CHRM2: variants seen among roughly 807,000 people sequenced by gnomAD.
The protein encoded by CHRM2 is cholinergic receptor muscarinic 2.
A neutral mutation model predicts 25.0 loss-of-function variants in CHRM2; 8 were observed. The ratio of observed to expected loss-of-function variants is 0.32; its 90% CI spans 0.19 to 0.58. CHRM2 has a LOEUF of 0.58. CHRM2 is among the 20% of genes least tolerant of loss of function. The pLI, the probability that CHRM2 is intolerant of heterozygous loss-of-function variation, is 0.88. For missense variants in CHRM2, 440 were observed against 567.1 expected (o/e 0.78, Z 2.28); for synonymous variants, 202 against 205.7 (o/e 0.98, Z 0.15).
intron 2 of CHRM2, among the ~76,000 whole-genome samples, chr7:136,873,194 C>A (rs189163474): frequency 1.1e-3 from 170 of 152,282 alleles, no homozygotes; most frequent in African/African-American, 4.0e-3. Flanking sequence ...CTCTGTCCAC[C>A]TTTGGTTCAT....
chr7:136,882,991 A>C (rs1563043143), intron 2 of CHRM2, among the ~76,000 whole-genome samples: 1 of 151,930 alleles, frequency 6.6e-6, no homozygotes, highest in Non-Finnish European at 1.5e-5. Flanking sequence ...AAAGATGAAG[A>C]ATAATATACC....
At chr7:136,889,799 C>T (rs774124179) in intron 2 of CHRM2, among the ~76,000 whole-genome samples, 18 of 152,148 alleles carry the variant, frequency 1.2e-4, no homozygotes, top group Non-Finnish European at 1.9e-4. Flanking sequence ...CTATTGCGGA[C>T]TGTTGCGGGA....
At chr7:136,911,773 A>G (rs1237215308) in intron 2 of CHRM2, among the ~76,000 whole-genome samples, 1 of 151,730 alleles carries the variant, frequency 6.6e-6, no homozygotes, top group Non-Finnish European at 1.5e-5. Flanking sequence ...AGTTTTTCTT[A>G]TTTCTTTTCT....
At chr7:136,994,735 T>A (rs1316785208) in intron 3 of CHRM2, among the ~76,000 whole-genome samples, 1 of 151,604 alleles carries the variant, frequency 6.6e-6, no homozygotes, top group East Asian at 1.9e-4. Flanking sequence ...CACAATAAAA[T>A]CAAATATATT....
At chr7:136,993,075 C>T (rs968399235) in intron 3 of CHRM2, among the ~76,000 whole-genome samples, 1 of 152,160 alleles carries the variant, frequency 6.6e-6, no homozygotes, top group Admixed American at 6.6e-5. Context: ...CAAATTGACA[C>T]ATAAAATTAA....
chr7:136,932,813 T>A (rs530187073), intron 2 of CHRM2, among the ~76,000 whole-genome samples: 1 of 152,226 alleles, frequency 6.6e-6, no homozygotes. Flanking sequence ...GTGGATCACT[T>A]GAGGTCAGGA....
At chr7:136,974,351 C>A (rs112518195) in intron 2 of CHRM2, among the ~76,000 whole-genome samples, 3 of 152,132 alleles carry the variant, frequency 2.0e-5, no homozygotes, top group Non-Finnish European at 2.9e-5. Flanking sequence ...CAAGTGCCAA[C>A]TGACAACATA....
intron 2 of CHRM2, among the ~76,000 whole-genome samples, chr7:136,898,553 T>G (rs1797028446): frequency 6.6e-6 from 1 of 151,764 alleles, no homozygotes; most frequent in Admixed American, 6.6e-5. Context: ...GTTTAACAGA[T>G]TATGCAGAGA....
At position 136,888,210 on chromosome 7, in the gene CHRM2, G is replaced by A. The variant is rs551503957; in HGVS notation, c.-125+18792G>A. ...GAGCTGCCATGCCCATCGAGTCGTA[G>A]CTTAGTCCATGGACCCCTATCATGA... On this transcript the variant is annotated intron_variant, in intron 2 of 3. Coordinates refer to ENST00000680005, the MANE Select transcript of CHRM2 (RefSeq NM_001006630.2). 1.3e-4 allele frequency among the ~76,000 whole-genome samples: 20 copies of A among 152,300 alleles called. 1 individual carries two copies. The East Asian group carries it at 3.7e-3, about 28-fold the overall frequency.
At chr7:136,955,847 T>C (rs1800692255) in intron 2 of CHRM2, among the ~76,000 whole-genome samples, 1 of 152,238 alleles carries the variant, frequency 6.6e-6, no homozygotes. Flanking sequence ...CAACTTGGCA[T>C]CTTAAGCATA....
chr7:136,927,449 G>A (rs973264422), intron 2 of CHRM2, among the ~76,000 whole-genome samples: 9 of 151,824 alleles, frequency 5.9e-5, no homozygotes, highest in Non-Finnish European at 1.3e-4. Context: ...GGTTTTAAAT[G>A]CTAACATTTG....
At chr7:136,950,448 C>T (rs1245667322) in intron 2 of CHRM2, among the ~76,000 whole-genome samples, 1 of 152,108 alleles carries the variant, frequency 6.6e-6, no homozygotes, top group Admixed American at 6.5e-5. Flanking sequence ...CCCATGATAC[C>T]TGTCTTCAGT....
At chr7:136,960,367 C>T (rs1584828792) in intron 2 of CHRM2, among the ~76,000 whole-genome samples, 1 of 152,214 alleles carries the variant, frequency 6.6e-6, no homozygotes, top group East Asian at 1.9e-4. Context: ...TTTGGCTTCT[C>T]TCTTTCTTCT....
intron 3 of CHRM2, among the ~76,000 whole-genome samples, chr7:137,012,947 G>C (rs1804920227): frequency 1.3e-5 from 2 of 151,934 alleles, no homozygotes; most frequent in African/African-American, 4.8e-5. Context: ...ACTACGGATG[G>C]AAAATTGTTT....
chr7:136,980,142 C>T (rs189807488), intron 2 of CHRM2, among the ~76,000 whole-genome samples: 27 of 152,216 alleles, frequency 1.8e-4, no homozygotes, highest in Non-Finnish European at 3.2e-4. Flanking sequence ...TTGTAGTTCT[C>T]CTTAAAGAGG....
chr7:136,993,214 G>A (rs1803350434), intron 3 of CHRM2, among the ~76,000 whole-genome samples: 1 of 152,112 alleles, frequency 6.6e-6, no homozygotes, highest in Non-Finnish European at 1.5e-5. Flanking sequence ...GTGAGAGAGA[G>A]GGAGAGAGAA....
At chr7:136,879,769 C>T (rs1246211225) in intron 2 of CHRM2, among the ~76,000 whole-genome samples, 3 of 151,846 alleles carry the variant, frequency 2.0e-5, no homozygotes, top group Non-Finnish European at 4.4e-5. Context: ...TAAGGAGATA[C>T]CTTGGCTTCT....
chr7:136,925,621 G>T (rs1798701701), intron 2 of CHRM2, among the ~76,000 whole-genome samples: 1 of 151,860 alleles, frequency 6.6e-6, no homozygotes. Flanking sequence ...CCAATATCAT[G>T]TAAGTAAGAG....
chr7:136,889,453 G>A (rs118180402), intron 2 of CHRM2, among the ~76,000 whole-genome samples: 1,578 of 152,186 alleles, frequency 0.01, 17 homozygotes, highest in Middle Eastern at 0.02. Context: ...TCCAAATGAG[G>A]AACAAAAGTA....
Sources: gnomAD v4.1 joint callset for allele counts (sites outside exome capture counted in the v4.1 genomes callset) on GRCh38, gnomAD v4.1.1 for gene constraint, MANE v1.5 for transcripts, NCBI Gene and HGNC (gene_info 2026-07-23, HGNC 2026-07-21) for gene names.